Variants in LIN28B observed in about 807,000 individuals in gnomAD.
The protein encoded by LIN28B is lin-28 RNA binding posttranscriptional regulator B, also known as protein lin-28 homolog B.
A neutral mutation model predicts 21.9 loss-of-function variants in LIN28B; 5 were observed. The observed-to-expected ratio is 0.23, with a 90% CI of 0.12 to 0.48. The LOEUF (loss-of-function observed/expected upper bound fraction) is 0.48. LIN28B is among the 20% of genes least tolerant of loss of function. LIN28B has a pLI of 0.98. For missense variants in LIN28B, 245 were observed against 310.5 expected (o/e 0.79, Z 1.58); for synonymous variants, 109 against 111.3 (o/e 0.98, Z 0.13).
chr6:105,046,061 C>G (rs185499745), intron 3 of LIN28B, among the ~76,000 whole-genome samples: 1 of 152,148 alleles, frequency 6.6e-6, no homozygotes, highest in East Asian at 1.9e-4. Context: ...TACATGTGCA[C>G]AACGTGCAGG....
chr6:104,990,652 G>T (rs1770444825), intron 2 of LIN28B, among the ~76,000 whole-genome samples: 2 of 151,682 alleles, frequency 1.3e-5, no homozygotes, highest in Non-Finnish European at 2.9e-5. Flanking sequence ...TGGAGGGAAG[G>T]TCAGCAGATA....
rs550921351 is a variant in LIN28B at position 105,019,420 on chromosome 6, G to A, written c.199-6878G>A. On this transcript the variant is annotated intron_variant, in intron 2 of 3. Transcript: ENST00000345080. Reference sequence around the variant, plus strand: ...TATGCACAGGATCCAATATTTTACCGCTTGCCTGGATATTTCCTTCAGTCT... The same window carrying A: ...TATGCACAGGATCCAATATTTTACCACTTGCCTGGATATTTCCTTCAGTCT... 4.6e-5 allele frequency among the ~76,000 whole-genome samples: 7 copies of A among 152,202 alleles called. No homozygotes were observed. In the East Asian group the frequency reaches 5.8e-4, roughly 13 times the overall value.
At chr6:104,972,617 A>T (rs924905725) in intron 2 of LIN28B, among the ~76,000 whole-genome samples, 9 of 152,170 alleles carry the variant, frequency 5.9e-5, no homozygotes, top group Admixed American at 5.2e-4. Context: ...GGGTTATTGT[A>T]AGTATAAGTT....
rs772613821 is a variant in LIN28B, at chr6:105,078,550, G to T, written c.520G>T (p.Ala174Ser). 1.9e-6 allele frequency: 3 copies of T among 1,614,062 alleles called. No homozygotes were observed. The highest frequency in any genetic ancestry group is 2.5e-6 in the Non-Finnish European group (3 of 1,180,024). ...ACATAAAAATGTTGCACAGCCACCC[G>T]CGAGTTCTCAGGGAAGACAGGAAGC... The part of the protein sequence containing the change: ...CPHKNVAQPP[A>S]SSQGRQEAES... Residue 174 changes from alanine to serine, a missense_variant, in exon 4 of 4, where the codon GCG (alanine) becomes TCG (serine). Ala to Ser is a moderately conservative substitution (Grantham distance 99). Coordinates refer to ENST00000345080, the MANE Select transcript of LIN28B (RefSeq NM_001004317.4).
intron 2 of LIN28B, among the ~76,000 whole-genome samples, chr6:105,017,089 A>G (rs1771046256): frequency 6.6e-6 from 1 of 151,698 alleles, no homozygotes; most frequent in Non-Finnish European, 1.5e-5. Flanking sequence ...AAAAAAAAAA[A>G]AAAAGAAAGA....
intron 3 of LIN28B, among the ~76,000 whole-genome samples, chr6:105,046,564 T>C: frequency 6.6e-6 from 1 of 152,220 alleles, no homozygotes. Context: ...ATGGTATTTC[T>C]AGTTCTAGAT....
chr6:105,066,155 A>T (rs1772214950), intron 3 of LIN28B, among the ~76,000 whole-genome samples: 1 of 152,220 alleles, frequency 6.6e-6, no homozygotes, highest in African/African-American at 2.4e-5. Flanking sequence ...TCTGGGTGAC[A>T]CAGCAAGACT....
At chr6:104,968,413 G>A (rs995664113) in intron 2 of LIN28B, among the ~76,000 whole-genome samples, 2 of 152,104 alleles carry the variant, frequency 1.3e-5, no homozygotes, top group African/African-American at 4.8e-5. Flanking sequence ...AACTGTTTTT[G>A]CCAGTGCTTA....
upstream of LIN28B, among the ~76,000 whole-genome samples, chr6:104,952,997 C>G (rs941751951): frequency 1.3e-5 from 2 of 152,226 alleles, no homozygotes; most frequent in African/African-American, 4.8e-5. Flanking sequence ...GACCCAAGCA[C>G]CCAGTCGGGC....
At chr6:105,057,234 C>G (rs553437124) in intron 3 of LIN28B, among the ~76,000 whole-genome samples, 1 of 152,168 alleles carries the variant, frequency 6.6e-6, no homozygotes, top group South Asian at 2.1e-4. Context: ...TTTTCCAATC[C>G]ATCAGCTATT....
intron 2 of LIN28B, among the ~76,000 whole-genome samples, chr6:105,004,384 T>C (rs1770776213): frequency 6.6e-6 from 1 of 152,252 alleles, no homozygotes; most frequent in East Asian, 1.9e-4. Context: ...TCCTCTCCAC[T>C]CCCTCTTTCT....
At position 105,018,297 on chromosome 6, in the gene LIN28B, T is replaced by A. The variant is rs200756143; in HGVS notation, c.199-8001T>A. ...TGAGACCCTTACTCTTAAAAAAAAA[T>A]AAAATAAAATTCCGTGATATGACTC... On this transcript the variant is annotated intron_variant, in intron 2 of 3. Transcript: ENST00000345080. Among the ~76,000 whole-genome samples, 793 of 152,016 alleles carry A rather than the reference T, an allele frequency of 5.2e-3. 7 individuals carry two copies. Among genetic ancestry groups the A allele is most frequent in the African/African-American group, 0.011 (443 of 41,476 alleles).
intron 3 of LIN28B, among the ~76,000 whole-genome samples, chr6:105,043,983 A>G (rs160598): frequency 0.78 from 118,703 of 152,144 alleles, 47,094 homozygotes; most frequent in Non-Finnish European, 0.86. Flanking sequence ...TAATAACTAT[A>G]TCCTCTATGA....
chr6:104,941,212 A>T (rs1421503510), intron 2 of LIN28B: 1 of 152,342 alleles, frequency 6.6e-6, no homozygotes, highest in Non-Finnish European at 1.5e-5. Flanking sequence ...CAGGTCTCGC[A>T]GCAAGTTGCG....
Position 105,023,585 on chromosome 6 carries a change from TATATATATTATATATATAAA to T in LIN28B, c.199-2705_199-2686del, listed in dbSNP as rs1771213587. Among the ~76,000 whole-genome samples the T allele has an allele frequency of 1.1e-3, 28 of 24,376 alleles. 3 individuals are homozygous for T. The highest frequency in any genetic ancestry group is 3.9e-3 in the African/African-American group (27 of 6,922). 16.0% of individuals were successfully genotyped at this position (24,376 alleles called of 152,430 possible). On this transcript the variant is annotated intron_variant, in intron 2 of 3. Transcript: ENST00000345080. ...TATATATAATATATATAATATATAT[TATATATATTATATATATAAA>T]ATATATAATATATATTATATATTTT...
At chr6:105,075,281 C>T (rs1268936990) in intron 3 of LIN28B, among the ~76,000 whole-genome samples, 4 of 152,096 alleles carry the variant, frequency 2.6e-5, no homozygotes, top group Non-Finnish European at 5.9e-5. Context: ...TGATGTGGAA[C>T]AGTGTGGAGG....
At chr6:104,990,507 A>G (rs1194075529) in intron 2 of LIN28B, among the ~76,000 whole-genome samples, 2 of 151,050 alleles carry the variant, frequency 1.3e-5, no homozygotes, top group Non-Finnish European at 2.9e-5. Flanking sequence ...CCTCTTGTAA[A>G]TGTCGTATAT....
intron 2 of LIN28B, among the ~76,000 whole-genome samples, chr6:105,008,008 C>G (rs1223965830): frequency 6.6e-6 from 1 of 152,132 alleles, no homozygotes; most frequent in Non-Finnish European, 1.5e-5. Flanking sequence ...TGTTAGTGCC[C>G]TCTGTCAGAT....
chr6:105,057,156 GT>G lies in LIN28B; in HGVS notation c.384-21254del, dbSNP rs1386791849. Among the ~76,000 whole-genome samples the G allele has an allele frequency of 3.3e-5, 5 of 152,178 alleles. No individual in the cohort carries two copies. The South Asian group carries it at 6.2e-4, about 19-fold the overall frequency. On this transcript the variant is annotated intron_variant, in intron 3 of 3. Coordinates refer to ENST00000345080, the MANE Select transcript of LIN28B (RefSeq NM_001004317.4). ...GAAATTTATTTTGGGGTTGCATGTT[GT>G]TTTACAGCCTAACTGTGGTACCATT...
Sources: gnomAD v4.1 joint callset for allele counts (sites outside exome capture counted in the v4.1 genomes callset) on GRCh38, gnomAD v4.1.1 for gene constraint, MANE v1.5 for transcripts, NCBI Gene and HGNC (gene_info 2026-07-23, HGNC 2026-07-21) for gene names.